PWWP2B: variants seen among roughly 807,000 people sequenced by gnomAD.
PWWP2B encodes the protein PWWP domain-containing protein 2B.
PWWP2B carries 9 observed loss-of-function variants against 15.5 expected under a neutral mutation model. That is an observed-to-expected ratio of 0.58 (90% CI 0.35 to 1.02). PWWP2B has a LOEUF of 1.02. PWWP2B is among the 50% of genes least tolerant of loss of function. PWWP2B has a pLI of 0.02. For missense variants in PWWP2B, 864 were observed against 865.3 expected (o/e 1.00, Z 0.02); for synonymous variants, 474 against 403.6 (o/e 1.17, Z -2.09).
At position 132,405,570 on chromosome 10, in the gene PWWP2B, T is replaced by C; in HGVS notation, c.1070T>C (p.Leu357Pro). ...TACCGGGCCGAGCTGGTGGGGGAGCTGAACGGGTACCTGCGGGACAGCTCG... is the reference window on the plus strand; with the variant it reads ...TACCGGGCCGAGCTGGTGGGGGAGCCGAACGGGTACCTGCGGGACAGCTCG... ...PVYRAELVGE[L>P]NGYLRDSSPA... Residue 357 changes from leucine to proline, a missense_variant, in exon 2 of 3, where the codon CTG becomes CCG. Leu to Pro is a moderately conservative substitution (Grantham distance 98). Around this residue, in one of 2 missense-constraint regions of PWWP2B, gnomAD observed 736 missense variants for 687.7 expected, o/e 1.07. Transcript: ENST00000305233. 7 of 1,607,782 alleles carry C rather than the reference T, an allele frequency of 4.4e-6. No individual in the cohort carries two copies. The highest frequency in any genetic ancestry group is 5.9e-6 in the Non-Finnish European group (7 of 1,179,220).
At chr10:132,414,680 G>C (rs1464209523) in intron 2 of PWWP2B, among the ~76,000 whole-genome samples, 1 of 152,250 alleles carries the variant, frequency 6.6e-6, no homozygotes, top group Admixed American at 6.5e-5. Flanking sequence ...TCTTCCTTCT[G>C]AGAAATGGAA....
At chr10:132,407,938 C>T (rs985204827) in intron 2 of PWWP2B, among the ~76,000 whole-genome samples, 3 of 152,246 alleles carry the variant, frequency 2.0e-5, no homozygotes, top group Admixed American at 1.3e-4. Context: ...GGCATGACAT[C>T]CCCCCACGCA....
chr10:132,405,475 C>T lies in PWWP2B; in HGVS notation c.975C>T (p.Gly325=), dbSNP rs776332200. 1.1e-5 allele frequency: 18 copies of T among 1,605,112 alleles called. No homozygotes were observed. The highest frequency in any genetic ancestry group is 8.8e-5 in the South Asian group (8 of 91,038). The part of the protein sequence containing the change: ...KLKLTRPVPA[G]ADLPPPKIRL... ...AACTGACACGGCCTGTGCCGGCCGG[C>T]GCGGACCTGCCGCCCCCTAAGATCC... Residue 325 remains glycine, a synonymous_variant, in exon 2 of 3, where the codon GGC becomes GGT. Transcript: ENST00000305233.
In PWWP2B at chr10:132,405,787, C is replaced by T. The variant is rs139452616; in HGVS notation, c.1287C>T (p.Asp429=). 2,920 of 1,607,322 alleles carry T rather than the reference C, an allele frequency of 1.8e-3. 52 individuals are homozygous for T. In the African/African-American group the frequency reaches 0.033, roughly 18 times the overall value. The change falls in exon 2 of 3, where the codon GAC becomes GAT. Residue 429 remains aspartate, a synonymous_variant. Coordinates refer to ENST00000305233, the MANE Select transcript of PWWP2B (RefSeq NM_138499.4). The part of the protein sequence containing the change: ...SESACSSDSL[D]EARSSGSEGT... The stretch of plus-strand genomic sequence containing the variant: ...CGGCGTGCAGCAGCGACAGCCTGGA[C>T]GAGGCCAGATCGTCCGGCTCGGAAG...
At position 132,397,236 on chromosome 10, in the gene PWWP2B, C is replaced by T. The variant is rs2069549065; in HGVS notation, c.10C>T (p.Arg4Cys). The T allele has an allele frequency of 2.5e-6, 3 of 1,217,038 alleles. No homozygotes were observed. The allele number at this position is 1,217,038 out of a possible 1,614,324, so 75.4% of individuals were successfully genotyped here. A position where few individuals can be genotyped will look rare whatever the true frequency, so the allele number is the denominator to read the frequency against. ...GGGACGCGGCGGGAGCATGGAGCCG[C>T]GCGCCGGCTGCCGGCTGCCGGTGCG... MEP[R>C]AGCRLPVRVE... The change falls in exon 1 of 3, where the codon CGC (arginine) becomes TGC (cysteine). Residue 4 changes from arginine to cysteine, a missense_variant. Arg to Cys is a radical substitution (Grantham distance 180). Around this residue, in one of 2 missense-constraint regions of PWWP2B, gnomAD observed 736 missense variants for 687.7 expected, o/e 1.07. Transcript: ENST00000305233.
In PWWP2B at chr10:132,405,741, G is replaced by A. The variant is rs771753505; in HGVS notation, c.1241G>A (p.Arg414Lys). Residue 414 changes from arginine (R) to lysine (K), a missense_variant, in exon 2 of 3, where the codon AGA becomes AAA. By Grantham distance (26) the Arg-to-Lys change is conservative. Coordinates refer to ENST00000305233, the MANE Select transcript of PWWP2B (RefSeq NM_138499.4). ...LAFLVSCPEG[R>K]ADCASESACS... ...TTTCTCGTCAGCTGCCCTGAGGGGA[G>A]AGCGGACTGTGCCAGTGAGTCGGCG... 6.2e-7 allele frequency: 1 copy of A among 1,609,280 alleles called. No homozygotes were observed. The highest frequency in any genetic ancestry group is 8.5e-7 in the Non-Finnish European group (1 of 1,179,864).
At chr10:132,415,512 TC>T (rs1466306453) in intron 2 of PWWP2B, among the ~76,000 whole-genome samples, 1 of 121,016 alleles carries the variant, frequency 8.3e-6, no homozygotes, top group Non-Finnish European at 1.7e-5. Context: ...TCCACTCACA[TC>T]CAGACATCCA....
At chr10:132,402,275 G>A (rs553831183) in intron 1 of PWWP2B, among the ~76,000 whole-genome samples, 1 of 152,248 alleles carries the variant, frequency 6.6e-6, no homozygotes, top group African/African-American at 2.4e-5. Context: ...GAGTGGTCAG[G>A]GTGCCATGTT....
chr10:132,413,635 G>A (rs552306444), intron 2 of PWWP2B, among the ~76,000 whole-genome samples: 18 of 152,296 alleles, frequency 1.2e-4, no homozygotes, highest in African/African-American at 3.8e-4. Flanking sequence ...TGGTCTCCCC[G>A]GCCTTCCTGT....
At position 132,404,808 on chromosome 10, in the gene PWWP2B, C is replaced by CCCCCCCCGG; in HGVS notation, c.308_309insCCCCCCCGG (p.Pro104_Leu105insProGlyPro). ...GAGACCACCCGCCCCGAGCCACCCC[C>CCCCCCCCGG]GCCCCTCGTGCCGCCGCTGCCCGCC... On this transcript the variant is annotated inframe_insertion, in exon 2 of 3. Transcript: ENST00000305233. The CCCCCCCCGG allele has an allele frequency of 6.5e-7, 1 of 1,541,562 alleles. No homozygotes were observed. Among genetic ancestry groups the CCCCCCCCGG allele is most frequent in the Non-Finnish European group, 8.8e-7 (1 of 1,139,912 alleles).
At position 132,417,584 on chromosome 10, in the gene PWWP2B, G is replaced by A. The variant is rs868328924; in HGVS notation, c.*540G>A. ...GGATTCTTCCCCAGCCCTTGGGTGC[G>A]GGGTCTCTGTGCACTTGAGAGCTGG... On this transcript the variant is annotated 3_prime_UTR_variant, in exon 3 of 3. Transcript: ENST00000305233. The A allele has an allele frequency of 2.5e-5, 4 of 158,042 alleles. No individual in the cohort carries two copies. The highest frequency in any genetic ancestry group is 4.2e-5 in the Non-Finnish European group (3 of 71,540). The allele number at this position is 158,042 out of a possible 1,614,324, so 9.8% of individuals were successfully genotyped here. A position where few individuals can be genotyped will look rare whatever the true frequency, so the allele number is the denominator to read the frequency against.
At position 132,405,083 on chromosome 10, in the gene PWWP2B, C is replaced by T. The variant is rs1185675092; in HGVS notation, c.583C>T (p.Pro195Ser). 1 of 1,529,016 alleles carries T rather than the reference C, an allele frequency of 6.5e-7. No homozygotes were observed. Among genetic ancestry groups the T allele is most frequent in the Non-Finnish European group, 8.8e-7 (1 of 1,139,414 alleles). 94.7% of individuals were successfully genotyped at this position (1,529,016 alleles called of 1,614,324 possible). A position where few individuals can be genotyped will look rare whatever the true frequency, so the allele number is the denominator to read the frequency against. The stretch of plus-strand genomic sequence containing the variant: ...CCCCCCGGAGGCCAGCCCCGGACCC[C>T]CAGCCGCGCCCAGGGCCCGCAGGAG... Reference protein sequence around the residue: ...LSPPEASPGPPAAPRARRRLG... With the variant: ...LSPPEASPGPSAAPRARRRLG... The change falls in exon 2 of 3, where the codon CCA becomes TCA. Residue 195 changes from proline (P) to serine (S), a missense_variant. Physicochemically the swap from Pro to Ser is moderately conservative, Grantham distance 74 (BLOSUM62 -1). Transcript: ENST00000305233.
chr10:132,416,226 G>A (rs991762942), intron 2 of PWWP2B, among the ~76,000 whole-genome samples: 99 of 152,230 alleles, frequency 6.5e-4, no homozygotes, highest in Non-Finnish European at 1.3e-3. Context: ...GGCCCATGGG[G>A]CGCCTTTGTC....
intron 2 of PWWP2B, among the ~76,000 whole-genome samples, chr10:132,413,540 C>A (rs2133164874): frequency 6.6e-6 from 1 of 152,324 alleles, no homozygotes; most frequent in Admixed American, 6.5e-5. Flanking sequence ...CATTCACTTT[C>A]TATTTTTGGA....
At chr10:132,412,618 A>G (rs1423974126) in intron 2 of PWWP2B, among the ~76,000 whole-genome samples, 1 of 152,198 alleles carries the variant, frequency 6.6e-6, no homozygotes, top group African/African-American at 2.4e-5. Flanking sequence ...ACCGTTGGTG[A>G]TCACTTTAAG....
rs753978944 is a variant in PWWP2B, at chr10:132,406,303, C to T, written c.*16+14C>T. On this transcript the variant is annotated intron_variant, in intron 2 of 2. Coordinates refer to ENST00000305233, the MANE Select transcript of PWWP2B (RefSeq NM_138499.4). ...TTCCCTGACCAGGTGAGTGTGCCAG[C>T]GGCAGCCTCCTTCCCCCCAGCGGCC... 14 of 1,575,842 alleles carry T rather than the reference C, an allele frequency of 8.9e-6. No homozygotes were observed. The East Asian group carries it at 1.3e-4, about 15-fold the overall frequency.
Position 132,404,803 on chromosome 10 carries a change from A to ACC in PWWP2B, c.307_308dup (p.Pro104ArgfsTer83). The ACC allele has an allele frequency of 2.6e-6, 2 of 760,056 alleles. No homozygotes were observed. Among genetic ancestry groups the ACC allele is most frequent in the African/African-American group, 2.9e-5 (1 of 34,408 alleles). The allele number at this position is 760,056 out of a possible 1,614,324, so 47.1% of individuals were successfully genotyped here. A position where few individuals can be genotyped will look rare whatever the true frequency, so the allele number is the denominator to read the frequency against. ...CCCCCGAGACCACCCGCCCCGAGCCACCCCCGCCCCTCGTGCCGCCGCTGC... is the reference window on the plus strand; with the variant it reads ...CCCCCGAGACCACCCGCCCCGAGCCACCCCCCCGCCCCTCGTGCCGCCGCTGC... On this transcript the variant is annotated frameshift_variant, in exon 2 of 3. Coordinates refer to ENST00000305233, the MANE Select transcript of PWWP2B (RefSeq NM_138499.4). LOFTEE classifies it high-confidence loss of function.
chr10:132,407,576 G>A (rs1166422713), intron 2 of PWWP2B, among the ~76,000 whole-genome samples: 1 of 152,188 alleles, frequency 6.6e-6, no homozygotes, highest in Non-Finnish European at 1.5e-5. Context: ...CTGTGGTTGA[G>A]CCAGGGTCCC....
In PWWP2B at chr10:132,408,648, G is replaced by A. The variant is rs930952375; in HGVS notation, c.*16+2359G>A. On this transcript the variant is annotated intron_variant, in intron 2 of 2. Transcript: ENST00000305233. ...AGGATGAGGACGGGGATGGCTGGGC[G>A]GTGTCAGAAGCTTCCTGAGGTTTGT... 5.9e-5 allele frequency among the ~76,000 whole-genome samples: 9 copies of A among 152,238 alleles called. 1 individual carries two copies. Among genetic ancestry groups the A allele is most frequent in the South Asian group, 4.1e-4 (2 of 4,832 alleles).
Sources: gnomAD v4.1 joint callset for allele counts (sites outside exome capture counted in the v4.1 genomes callset) on GRCh38, gnomAD v4.1.1 for gene constraint, gnomAD v4.1.1 regional missense constraint, MANE v1.5 for transcripts, NCBI Gene and HGNC (gene_info 2026-07-23, HGNC 2026-07-21) for gene names.